Variants in HAGH observed in about 807,000 individuals in gnomAD.
The protein encoded by HAGH is hydroxyacylglutathione hydrolase.
HAGH carries 29 observed loss-of-function variants against 35.1 expected under a neutral mutation model. The ratio of observed to expected loss-of-function variants is 0.83; its 90% CI spans 0.62 to 1.13. HAGH has a LOEUF of 1.13. Among genes scored for constraint, HAGH ranks in the 50% most tolerant of loss-of-function variants. The pLI is 0.00. For synonymous variants in HAGH, 225 were observed against 176.1 expected, an observed-to-expected ratio of 1.28 and a Z score of -2.20; for missense variants, 478 against 419.6, an observed-to-expected ratio of 1.14 and a Z score of -1.22.
intron 2 of HAGH, 57 bp from the exon 3 acceptor site, chr16:1,822,421 G>A: frequency 1.5e-6 from 2 of 1,317,402 alleles, no homozygotes; most frequent in Non-Finnish European, 2.2e-6. Flanking sequence ...CTGGCTTGCT[G>A]GCCTATATGG....
chr16:1,823,483 G>T (rs1434830428), intron 1 of HAGH, among the ~76,000 whole-genome samples: 2 of 151,722 alleles, frequency 1.3e-5, no homozygotes, highest in Non-Finnish European at 2.9e-5. Context: ...TAGCCAGGAT[G>T]GTCTCGATCT....
At position 1,822,315 on chromosome 16, in the gene HAGH, G is replaced by T. The variant is rs1596938413; in HGVS notation, c.299C>A (p.Thr100Asn). The T allele has an allele frequency of 6.2e-7, 1 of 1,610,226 alleles. No homozygotes were observed. The highest frequency in any genetic ancestry group is 8.5e-7 in the Non-Finnish European group (1 of 1,177,148). The change falls in exon 3 of 9, where the codon ACC (threonine) becomes AAC (asparagine). Residue 100 changes from threonine to asparagine, a missense_variant. Coordinates refer to ENST00000397356, the MANE Select transcript of HAGH (RefSeq NM_005326.6). ...KHGVKLTTVL[T>N]THHHWDHAGG... ...CGGCACTTACCAGTGGTGGTGGGTG[G>T]TGAGCACTGTGGTCAGTTTCACCCC...
intron 3 of HAGH, among the ~76,000 whole-genome samples, chr16:1,820,541 G>T (rs1421668928): frequency 1.3e-5 from 2 of 152,176 alleles, no homozygotes; most frequent in Non-Finnish European, 2.9e-5. Context: ...GGCCCTAGAC[G>T]CGGCCTGTCT....
intron 7 of HAGH, chr16:1,810,080 G>A (rs1657108): frequency 1.9e-6 from 1 of 526,790 alleles, no homozygotes; most frequent in East Asian, 3.4e-5. Context: ...TGGGAGGATC[G>A]CTTGAGCACA....
In HAGH at chr16:1,819,209, G is replaced by A. The variant is rs142369196; in HGVS notation, c.447C>T (p.Asn149=). The change falls in exon 5 of 9, where the codon AAC becomes AAT. Residue 149 remains asparagine (N), a synonymous_variant. Transcript: ENST00000397356. ...HLSTLQVGSL[N]VKCLATPCHT... ...GGCACGGGGTCGCCAGGCACTTGAC[G>A]TTCAGAGACCCCACCTTCAACAAAG... 1.1e-4 allele frequency: 181 copies of A among 1,609,366 alleles called. No individual in the cohort carries two copies. The highest frequency in any genetic ancestry group is 8.9e-4 in the East Asian group (40 of 44,822).
At chr16:1,819,673 C>T (rs1186860352) in intron 4 of HAGH, among the ~76,000 whole-genome samples, 1 of 152,236 alleles carries the variant, frequency 6.6e-6, no homozygotes, top group African/African-American at 2.4e-5. Flanking sequence ...TGGCCCGCTC[C>T]CCAGGGTCTC....
intron 7 of HAGH, 199 bp from the exon 8 acceptor site, chr16:1,810,032 G>T: frequency 1.7e-6 from 1 of 579,022 alleles, no homozygotes; most frequent in Non-Finnish European, 3.1e-6. Context: ...AGGCATGGTG[G>T]CAGGCACCTG....
At chr16:1,820,863 A>G (rs1898124132) in intron 3 of HAGH, among the ~76,000 whole-genome samples, 1 of 152,144 alleles carries the variant, frequency 6.6e-6, no homozygotes, top group Non-Finnish European at 1.5e-5. Flanking sequence ...ATCACCACCC[A>G]CCATCGGTGA....
At chr16:1,811,231 C>T (rs1053617000) in intron 7 of HAGH, among the ~76,000 whole-genome samples, 2 of 151,722 alleles carry the variant, frequency 1.3e-5, no homozygotes, top group Non-Finnish European at 2.9e-5. Flanking sequence ...CTGGGCAACA[C>T]GGTGAAACCC....
intron 1 of HAGH, among the ~76,000 whole-genome samples, chr16:1,823,650 G>C (rs989631477): frequency 1.3e-5 from 2 of 148,660 alleles, no homozygotes; most frequent in African/African-American, 5.0e-5. Context: ...GGCTGAGGCA[G>C]GAGGATCACT....
chr16:1,808,560 A>G lies in HAGH; in HGVS notation c.*723T>C, dbSNP rs1034317817. ...CGTGATCCACCCGCCTCGGCCTCCC[A>G]AAGTGCTGGGATCACAGGCTTAGCC... On this transcript the variant is annotated 3_prime_UTR_variant, in exon 9 of 9. Coordinates refer to ENST00000397356, the MANE Select transcript of HAGH (RefSeq NM_005326.6). The G allele has an allele frequency of 6.6e-6, 1 of 152,398 alleles. No homozygotes were observed. The highest frequency in any genetic ancestry group is 2.4e-5 in the African/African-American group (1 of 41,414). 9.4% of individuals were successfully genotyped at this position (152,398 alleles called of 1,614,324 possible).
At chr16:1,810,632 C>G (rs1001770672) in intron 7 of HAGH, 15 of 153,410 alleles carry the variant, frequency 9.8e-5, no homozygotes, top group African/African-American at 3.6e-4. Flanking sequence ...AGCAGGAAAA[C>G]ACAGGGCGGC....
At chr16:1,826,953 C>A, upstream of HAGH, 1 of 621,134 alleles carries the variant, frequency 1.6e-6, no homozygotes, top group East Asian at 3.1e-5. Context: ...GTTTTGTCCG[C>A]GAGCCCCGAC....
Position 1,819,158 on chromosome 16 carries a change from G to A in HAGH, c.498C>T (p.Phe166=), listed in dbSNP as rs11558513. Residue 166 remains phenylalanine (F), a synonymous_variant, in exon 5 of 9, where the codon TTC becomes TTT. Transcript: ENST00000397356. ...GCTCCGAGCCTCCGGGCTTGCTCACGAAGTAACAAATGTGTCCTGAAGTGT... is the reference window on the plus strand; with the variant it reads ...GCTCCGAGCCTCCGGGCTTGCTCACAAAGTAACAAATGTGTCCTGAAGTGT... ...PCHTSGHICY[F]VSKPGGSEPP... is the part of the protein sequence containing the mutation. The A allele has an allele frequency of 7.4e-6, 12 of 1,613,096 alleles. No individual in the cohort carries two copies. Among genetic ancestry groups the A allele is most frequent in the Admixed American group, 1.7e-5 (1 of 59,984 alleles).
At position 1,817,285 on chromosome 16, in the gene HAGH, C is replaced by T; in HGVS notation, c.542-14G>A. Reference sequence around the variant, plus strand: ...ACAAGGTGTCACCTGGAAACAAGGACAGCCACGAGGTGGGGGCCACTTGAG... The same window carrying T: ...ACAAGGTGTCACCTGGAAACAAGGATAGCCACGAGGTGGGGGCCACTTGAG... On this transcript the variant is annotated splice_polypyrimidine_tract_variant and intron_variant, in intron 5 of 8. Coordinates refer to ENST00000397356, the MANE Select transcript of HAGH (RefSeq NM_005326.6). 6.4e-7 allele frequency: 1 copy of T among 1,565,132 alleles called. No individual in the cohort carries two copies. The highest frequency in any genetic ancestry group is 8.8e-7 in the Non-Finnish European group (1 of 1,135,374).
At chr16:1,826,605 G>A (rs1898439265) in intron 1 of HAGH, 107 bp downstream of exon 1, 1 of 981,694 alleles carries the variant, frequency 1.0e-6, no homozygotes, top group Non-Finnish European at 1.2e-6. Context: ...TTAGGCACCT[G>A]CGCAACAGAC....
intron 7 of HAGH, chr16:1,810,809 A>ACT (rs978085871): frequency 3.3e-5 from 5 of 152,186 alleles, no homozygotes; most frequent in African/African-American, 9.7e-5. Flanking sequence ...TCGGTGAGTG[A>ACT]CTCTTCAGCT....
Position 1,817,182 on chromosome 16 carries a change from G to T in HAGH, c.631C>A (p.Leu211Ile). The change falls in exon 6 of 9, where the codon CTC (leucine) becomes ATC (isoleucine). Residue 211 changes from leucine (L) to isoleucine (I), a missense_variant. By Grantham distance (5) the Leu-to-Ile change is conservative. Coordinates refer to ENST00000397356, the MANE Select transcript of HAGH (RefSeq NM_005326.6). ...GCGCTGCCTACTGTGTCCGGGGGGA[G>T]CCGGCCCAAGACCTCCAGCAGAGCT... ...CKALLEVLGR[L>I]PPDTRVYCGH... 1.9e-6 allele frequency: 3 copies of T among 1,608,450 alleles called. No individual in the cohort carries two copies. Among genetic ancestry groups the T allele is most frequent in the African/African-American group, 1.3e-5 (1 of 74,938 alleles).
intron 3 of HAGH, among the ~76,000 whole-genome samples, chr16:1,820,648 A>G (rs1596934245): frequency 6.6e-6 from 1 of 152,160 alleles, no homozygotes; most frequent in African/African-American, 2.4e-5. Context: ...CAGTTCAGAA[A>G]GGGGCGGTTG....
Sources: allele counts gnomAD v4.1 joint callset (sites outside exome capture counted in the v4.1 genomes callset), GRCh38; gene constraint gnomAD v4.1.1; transcripts MANE v1.5; gene names NCBI Gene and HGNC (gene_info 2026-07-23, HGNC 2026-07-21).